ITFG1: variants seen among roughly 807,000 people sequenced by gnomAD.
ITFG1 encodes integrin alpha FG-GAP repeat containing 1, also known as T-cell immunomodulatory protein.
In ITFG1, 34 loss-of-function variants were observed where a neutral mutation model predicts 81.8. The observed-to-expected ratio is 0.42, with a 90% CI of 0.32 to 0.55. The LOEUF (loss-of-function observed/expected upper bound fraction) is 0.55. ITFG1 is among the 20% of genes least tolerant of loss of function. The pLI is 0.17. For missense variants in ITFG1, 672 were observed against 755.4 expected, an observed-to-expected ratio of 0.89 and a Z score of 1.29; for synonymous variants, 285 against 270.6, an observed-to-expected ratio of 1.05 and a Z score of -0.52.
At chr16:47,434,148 G>C (rs1052326600) in intron 5 of ITFG1, among the ~76,000 whole-genome samples, 1 of 151,330 alleles carries the variant, frequency 6.6e-6, no homozygotes, top group Non-Finnish European at 1.5e-5. Context: ...CACAGGCATA[G>C]GCAAATATTT....
chr16:47,430,992 T>C (rs1480124416), intron 5 of ITFG1, among the ~76,000 whole-genome samples: 1 of 152,168 alleles, frequency 6.6e-6, no homozygotes, highest in Admixed American at 6.5e-5. Context: ...TATTAAGCCA[T>C]AAAAATGACT....
intron 6 of ITFG1, among the ~76,000 whole-genome samples, chr16:47,383,226 T>TA: frequency 6.6e-6 from 1 of 152,292 alleles, no homozygotes; most frequent in Middle Eastern, 3.4e-3. Context: ...ATGATGGAAA[T>TA]AACTGGAGAA....
intron 5 of ITFG1, among the ~76,000 whole-genome samples, chr16:47,431,625 T>C (rs1401105869): frequency 6.6e-6 from 1 of 152,162 alleles, no homozygotes; most frequent in Non-Finnish European, 1.5e-5. Context: ...TTGTGCAAAA[T>C]TGTAAATGTA....
At chr16:47,292,069 A>G (rs984707385) in intron 10 of ITFG1, among the ~76,000 whole-genome samples, 5 of 150,484 alleles carry the variant, frequency 3.3e-5, no homozygotes, top group Non-Finnish European at 4.4e-5. Context: ...GCTGGAGTGC[A>G]GTGGTACAAT....
chr16:47,277,924 C>G (rs1966414983), intron 10 of ITFG1, among the ~76,000 whole-genome samples: 1 of 152,194 alleles, frequency 6.6e-6, no homozygotes, highest in South Asian at 2.1e-4. Context: ...AGTTCAAGCT[C>G]AGAATTGCCC....
Position 47,365,865 on chromosome 16 carries a change from C to T in ITFG1, c.725G>A (p.Gly242Glu). 6.4e-7 allele frequency: 1 copy of T among 1,565,244 alleles called. No individual in the cohort carries two copies. Among genetic ancestry groups the T allele is most frequent in the Non-Finnish European group, 8.8e-7 (1 of 1,136,958 alleles). ...FQFEIWENLD[G>E]NFSVSTILEK... Reference sequence around the variant, plus strand: ...CAATATAGTACTGACAGAGAAGTTTCCATCCTGTTAAATGAAGAAAACTTT... The same window carrying T: ...CAATATAGTACTGACAGAGAAGTTTTCATCCTGTTAAATGAAGAAAACTTT... Residue 242 changes from glycine (G) to glutamate (E), a missense_variant, in exon 8 of 18, where the codon GGA becomes GAA. Coordinates refer to ENST00000320640, the MANE Select transcript of ITFG1 (RefSeq NM_030790.5).
At chr16:47,452,207 T>C (rs1567505221) in intron 4 of ITFG1, among the ~76,000 whole-genome samples, 1 of 152,194 alleles carries the variant, frequency 6.6e-6, no homozygotes, top group African/African-American at 2.4e-5. Context: ...GTGGCCAAAC[T>C]TTGCTCTAGT....
chr16:47,333,761 C>T (rs766656140), intron 8 of ITFG1, among the ~76,000 whole-genome samples: 3 of 152,140 alleles, frequency 2.0e-5, no homozygotes, highest in Admixed American at 6.5e-5. Flanking sequence ...GACATAAGAC[C>T]CGTTTCGTGC....
At chr16:47,178,979 C>G (rs1477548417) in intron 14 of ITFG1, among the ~76,000 whole-genome samples, 1 of 152,158 alleles carries the variant, frequency 6.6e-6, no homozygotes, top group African/African-American at 2.4e-5. Context: ...TGAAAAAATG[C>G]TCATCATCAC....
intron 10 of ITFG1, among the ~76,000 whole-genome samples, chr16:47,307,119 A>AAAAAAAAAAAAAAAAAAAAAAC (rs1967180297): frequency 1.3e-5 from 2 of 148,598 alleles, no homozygotes; most frequent in African/African-American, 4.9e-5. Context: ...AAAAAAAAAA[A>AAAAAAAAAAAAAAAAAAAAAAC]AAAACGGAGA....
chr16:47,200,191 A>G (rs915866112), intron 14 of ITFG1, among the ~76,000 whole-genome samples: 2 of 152,178 alleles, frequency 1.3e-5, no homozygotes, highest in African/African-American at 4.8e-5. Context: ...TGTAAGTACA[A>G]TCTATGATGT....
At chr16:47,350,682 G>C (rs1303782738) in intron 8 of ITFG1, among the ~76,000 whole-genome samples, 3 of 152,236 alleles carry the variant, frequency 2.0e-5, no homozygotes, top group East Asian at 3.9e-4. Flanking sequence ...CCAATCAATA[G>C]AAAAAGAGGG....
At chr16:47,339,551 T>A (rs532052529) in intron 8 of ITFG1, among the ~76,000 whole-genome samples, 1 of 152,194 alleles carries the variant, frequency 6.6e-6, no homozygotes, top group South Asian at 2.1e-4. Context: ...AAACAGATAC[T>A]CTGGACCTGA....
intron 14 of ITFG1, among the ~76,000 whole-genome samples, chr16:47,173,586 G>A (rs1473205302): frequency 6.6e-6 from 1 of 152,082 alleles, no homozygotes; most frequent in Non-Finnish European, 1.5e-5. Context: ...AAAAGTATCT[G>A]TGATAAGTTT....
At chr16:47,367,640 T>C (rs1451410766) in intron 7 of ITFG1, among the ~76,000 whole-genome samples, 1 of 152,204 alleles carries the variant, frequency 6.6e-6, no homozygotes, top group Non-Finnish European at 1.5e-5. Context: ...AGAGAAATGC[T>C]ATAACAAAAG....
At chr16:47,205,703 GACTTCATCCTAGGAAC>G (rs1965485203) in intron 14 of ITFG1, among the ~76,000 whole-genome samples, 1 of 152,214 alleles carries the variant, frequency 6.6e-6, no homozygotes, top group African/African-American at 2.4e-5. Context: ...TACTTCAACA[GACTTCATCCTAGGAAC>G]ACACACAGAG....
intron 8 of ITFG1, among the ~76,000 whole-genome samples, chr16:47,323,310 G>T (rs1967476852): frequency 6.6e-6 from 1 of 152,112 alleles, no homozygotes; most frequent in East Asian, 1.9e-4. Flanking sequence ...GAGAATCATA[G>T]GATTTTATAT....
intron 14 of ITFG1, among the ~76,000 whole-genome samples, chr16:47,176,226 G>C (rs1390042032): frequency 6.6e-6 from 1 of 152,228 alleles, no homozygotes; most frequent in Non-Finnish European, 1.5e-5. Context: ...ACACTTGGCA[G>C]AGTGAAAATT....
chr16:47,238,651 T>C (rs533594785), intron 12 of ITFG1, among the ~76,000 whole-genome samples: 1 of 152,262 alleles, frequency 6.6e-6, no homozygotes, highest in African/African-American at 2.4e-5. Context: ...GTGATACCTT[T>C]GATAAGAAAG....
Sources: gnomAD v4.1 joint callset for allele counts (sites outside exome capture counted in the v4.1 genomes callset) on GRCh38, gnomAD v4.1.1 for gene constraint, MANE v1.5 for transcripts, NCBI Gene and HGNC (gene_info 2026-07-23, HGNC 2026-07-21) for gene names.